Variants in RNF121 observed in about 807,000 individuals in gnomAD.
RNF121 encodes the protein ring finger protein 121.
In RNF121, 21 loss-of-function variants were observed where a neutral mutation model predicts 46.5. The ratio of observed to expected loss-of-function variants is 0.45; its 90% CI spans 0.32 to 0.65. The LOEUF (loss-of-function observed/expected upper bound fraction) is 0.65. Among genes scored for constraint, RNF121 ranks in the 30% least tolerant of loss-of-function variants. The pLI, the probability that RNF121 is intolerant of heterozygous loss-of-function variation, is 0.04. For synonymous variants in RNF121, 139 were observed against 144.7 expected (o/e 0.96, Z 0.28); for missense variants, 346 against 416.0 (o/e 0.83, Z 1.46).
chr11:71,937,102 G>T (rs1291706114), intron 1 of RNF121, among the ~76,000 whole-genome samples: 1 of 152,126 alleles, frequency 6.6e-6, no homozygotes. Context: ...ATGCCAAATT[G>T]TTCCTTATCA....
At chr11:71,990,778 G>A (rs1954850714) in intron 6 of RNF121, 61 bp downstream of exon 6, 1 of 1,595,228 alleles carries the variant, frequency 6.3e-7, no homozygotes, top group South Asian at 1.1e-5. Context: ...TCAAGTTGAT[G>A]TCACTTGTTT....
intron 1 of RNF121, among the ~76,000 whole-genome samples, chr11:71,933,278 T>C (rs74411661): frequency 0.032 from 4,902 of 152,296 alleles, 75 homozygotes; most frequent in East Asian, 0.078. Context: ...GTGTCCACTC[T>C]CAAGTCCTAT....
intron 3 of RNF121, among the ~76,000 whole-genome samples, chr11:71,968,946 C>A (rs1257361782): frequency 7.0e-6 from 1 of 142,912 alleles, no homozygotes. Flanking sequence ...AATGCAGTGG[C>A]GCGATCTCGG....
intron 3 of RNF121, among the ~76,000 whole-genome samples, chr11:71,962,718 A>T (rs917128299): frequency 2.0e-5 from 3 of 152,206 alleles, no homozygotes; most frequent in African/African-American, 7.2e-5. Context: ...TCTACCTAGG[A>T]GTGGAATTGC....
At chr11:71,951,938 C>T (rs947753267) in intron 1 of RNF121, among the ~76,000 whole-genome samples, 6 of 152,156 alleles carry the variant, frequency 3.9e-5, no homozygotes, top group African/African-American at 1.2e-4. Context: ...TAAGCAGAGA[C>T]TTACCATATG....
At chr11:71,969,358 A>G (rs1163113373) in intron 3 of RNF121, among the ~76,000 whole-genome samples, 1 of 152,216 alleles carries the variant, frequency 6.6e-6, no homozygotes, top group Non-Finnish European at 1.5e-5. Flanking sequence ...TAAAATAACT[A>G]TAGCTACAAA....
chr11:71,949,288 C>T (rs930198150), intron 1 of RNF121, among the ~76,000 whole-genome samples: 2 of 152,080 alleles, frequency 1.3e-5, no homozygotes, highest in African/African-American at 4.8e-5. Context: ...TGTGGTGGCA[C>T]GTGCCTATAG....
At chr11:71,960,661 T>G in intron 2 of RNF121, 89 bp from the exon 3 acceptor site, 1 of 1,474,916 alleles carries the variant, frequency 6.8e-7, no homozygotes, top group Non-Finnish European at 9.3e-7. Context: ...TGTTCTGAGC[T>G]ATGTACTGGT....
intron 1 of RNF121, among the ~76,000 whole-genome samples, chr11:71,930,804 G>C (rs140786053): frequency 2.6e-5 from 4 of 152,314 alleles, no homozygotes; most frequent in Non-Finnish European, 5.9e-5. Context: ...GAGATAAACA[G>C]CAGAAGTTTT....
At chr11:71,943,611 T>A (rs567350927) in intron 1 of RNF121, among the ~76,000 whole-genome samples, 1 of 152,350 alleles carries the variant, frequency 6.6e-6, no homozygotes, top group South Asian at 2.1e-4. Context: ...TAGGCCTTGC[T>A]CTCAGGTTGC....
intron 1 of RNF121, among the ~76,000 whole-genome samples, chr11:71,936,443 G>A (rs112143075): frequency 0.033 from 4,936 of 151,474 alleles, 81 homozygotes; most frequent in East Asian, 0.079. Context: ...AGGCTGGAGC[G>A]CAGTGGCACG....
intron 1 of RNF121, among the ~76,000 whole-genome samples, chr11:71,932,733 C>T (rs559845311): frequency 5.5e-4 from 84 of 152,332 alleles, no homozygotes; most frequent in African/African-American, 1.9e-3. Flanking sequence ...TGTTTCCCTT[C>T]ATTTTAAAGA....
chr11:71,986,788 AAG>A (rs367653048), intron 4 of RNF121, among the ~76,000 whole-genome samples: 44 of 150,952 alleles, frequency 2.9e-4, no homozygotes, highest in African/African-American at 7.6e-4. Context: ...AAAAAAAAAA[AAG>A]AAAAAAAATA....
At chr11:71,976,345 C>CTTTTTTTTTTTTTT (rs35710756) in intron 3 of RNF121, among the ~76,000 whole-genome samples, 1 of 46,068 alleles carries the variant, frequency 2.2e-5, no homozygotes, top group African/African-American at 9.3e-5. Context: ...TGGGTATATT[C>CTTTTTTTTTTTTTT]TTTTTTTTTT....
At chr11:71,933,405 C>CA (rs1953323572) in intron 1 of RNF121, among the ~76,000 whole-genome samples, 1 of 152,210 alleles carries the variant, frequency 6.6e-6, no homozygotes, top group African/African-American at 2.4e-5. Flanking sequence ...ATTATTGCCT[C>CA]AAGTGAATAA....
intron 1 of RNF121, among the ~76,000 whole-genome samples, chr11:71,949,046 C>A (rs1342079094): frequency 6.6e-6 from 1 of 152,194 alleles, no homozygotes; most frequent in Non-Finnish European, 1.5e-5. Flanking sequence ...ATTTAATAGT[C>A]TGTCTCTCCC....
chr11:71,931,110 C>T (rs1431724915), intron 1 of RNF121, among the ~76,000 whole-genome samples: 1 of 152,210 alleles, frequency 6.6e-6, no homozygotes, highest in African/African-American at 2.4e-5. Flanking sequence ...GCTGGGATTA[C>T]AGGTGTGAGT....
At chr11:71,946,529 G>A (rs1188165259) in intron 1 of RNF121, among the ~76,000 whole-genome samples, 1 of 152,082 alleles carries the variant, frequency 6.6e-6, no homozygotes, top group Admixed American at 6.6e-5. Context: ...ACATTCAGCT[G>A]CTGAATGAAT....
rs1412022589 is a variant in RNF121, at chr11:71,990,609, A to G, written c.519A>G (p.Glu173=). The change falls in exon 6 of 9, where the codon GAA becomes GAG. Residue 173 remains glutamate (E), a synonymous_variant. Transcript: ENST00000361756. ...GCTTCCCTTGCAGGATCAAACCAGA[A>G]GATGCCATGGACTTTGGCATCTCCC... ...GLNLLFKIKP[E]DAMDFGISLL... 3.1e-6 allele frequency: 5 copies of G among 1,613,994 alleles called. No individual in the cohort carries two copies. The East Asian group carries it at 8.9e-5, about 29-fold the overall frequency.
Sources: allele counts gnomAD v4.1 joint callset (sites outside exome capture counted in the v4.1 genomes callset), GRCh38; gene constraint gnomAD v4.1.1; transcripts MANE v1.5; gene names NCBI Gene and HGNC (gene_info 2026-07-23, HGNC 2026-07-21).